TMEM236: variants seen among roughly 807,000 people sequenced by gnomAD.
The protein encoded by TMEM236 is family with sequence similarity 23, member A.
TMEM236 carries 11 observed loss-of-function variants against 14.7 expected under a neutral mutation model. The observed-to-expected ratio is 0.75, with a 90% CI of 0.47 to 1.24. The LOEUF (loss-of-function observed/expected upper bound fraction) is 1.24. TMEM236 is among the 50% of genes most tolerant of loss of function. The pLI, the probability that TMEM236 is intolerant of heterozygous loss-of-function variation, is 0.00. For synonymous variants in TMEM236, 182 were observed against 168.6 expected (o/e 1.08, Z -0.62); for missense variants, 464 against 427.3 (o/e 1.09, Z -0.76).
At chr10:17,753,944 G>A (rs1837245902) in intron 1 of TMEM236, among the ~76,000 whole-genome samples, 1 of 152,200 alleles carries the variant, frequency 6.6e-6, no homozygotes. Context: ...GATAGAATGT[G>A]ACATTAATGG....
intron 3 of TMEM236, among the ~76,000 whole-genome samples, chr10:17,785,906 T>G (rs1189526077): frequency 1.3e-5 from 2 of 152,166 alleles, no homozygotes; most frequent in African/African-American, 4.8e-5. Context: ...TTATATCTTC[T>G]AATGAAGTGC....
At chr10:17,773,521 A>G (rs150675227) in intron 2 of TMEM236, among the ~76,000 whole-genome samples, 5,296 of 152,126 alleles carry the variant, frequency 0.035, 186 homozygotes, top group East Asian at 0.21. Flanking sequence ...TATTTTTAGT[A>G]CAGACGGGGT....
At chr10:17,763,006 A>G (rs967896110) in intron 1 of TMEM236, among the ~76,000 whole-genome samples, 5 of 152,154 alleles carry the variant, frequency 3.3e-5, no homozygotes, top group Admixed American at 2.6e-4. Context: ...TACTGCAGGT[A>G]CAAGCCTTTG....
rs897665107 is a variant in TMEM236, at chr10:17,797,292, T to C, written c.*788T>C. ...AAATTATTGAATAATTTTTAGGTTA[T>C]ACTTTTTTTTTTTTTTTTGAGACGA... On this transcript the variant is annotated 3_prime_UTR_variant, in exon 4 of 4. Coordinates refer to ENST00000377495, the MANE Select transcript of TMEM236 (RefSeq NM_001098844.3). 6.8e-6 allele frequency: 1 copy of C among 146,224 alleles called. No homozygotes were observed. Among genetic ancestry groups the C allele is most frequent in the African/African-American group, 2.7e-5 (1 of 37,068 alleles). The allele number at this position is 146,224 out of a possible 1,614,324, so 9.1% of individuals were successfully genotyped here. A position where few individuals can be genotyped will look rare whatever the true frequency, so the allele number is the denominator to read the frequency against.
intron 1 of TMEM236, among the ~76,000 whole-genome samples, chr10:17,752,934 T>G (rs1837230774): frequency 6.6e-6 from 1 of 152,250 alleles, no homozygotes; most frequent in South Asian, 2.1e-4. Context: ...GTTTGTTTTT[T>G]TGTTTGTTGT....
chr10:17,766,163 ATCTC>A (rs1837459508), intron 1 of TMEM236, among the ~76,000 whole-genome samples: 1 of 152,144 alleles, frequency 6.6e-6, no homozygotes, highest in South Asian at 2.1e-4. Flanking sequence ...TTTTCAACTT[ATCTC>A]TCTTTCTTCA....
chr10:17,765,683 T>G (rs1396366233), intron 1 of TMEM236, among the ~76,000 whole-genome samples: 1 of 152,202 alleles, frequency 6.6e-6, no homozygotes, highest in Non-Finnish European at 1.5e-5. Context: ...CGTTAGCTTT[T>G]AAGGTTTAAA....
intron 1 of TMEM236, among the ~76,000 whole-genome samples, chr10:17,755,559 C>G (rs1455595950): frequency 3.3e-5 from 5 of 152,114 alleles, no homozygotes; most frequent in African/African-American, 1.2e-4. Context: ...CTGCTTTTAT[C>G]AGTAGGGTTT....
At position 17,796,400 on chromosome 10, in the gene TMEM236, G is replaced by T; in HGVS notation, c.952G>T (p.Val318Leu). The T allele has an allele frequency of 6.2e-7, 1 of 1,613,746 alleles. No homozygotes were observed. Among genetic ancestry groups the T allele is most frequent in the Non-Finnish European group, 8.5e-7 (1 of 1,179,790 alleles). Residue 318 changes from valine to leucine, a missense_variant, in exon 4 of 4, where the codon GTA becomes TTA. Coordinates refer to ENST00000377495, the MANE Select transcript of TMEM236 (RefSeq NM_001098844.3). Reference sequence around the variant, plus strand: ...CATTGCCCTGGGGACTATCACACCCGTACTGGGCCTGTGTAAAAATATCCT... The same window carrying T: ...CATTGCCCTGGGGACTATCACACCCTTACTGGGCCTGTGTAAAAATATCCT... ...LIIALGTITPVLGLCKNILVT... is the reference protein window; with the variant it reads ...LIIALGTITPLLGLCKNILVT...
chr10:17,785,769 C>T (rs1554835663), intron 3 of TMEM236, among the ~76,000 whole-genome samples: 1 of 152,034 alleles, frequency 6.6e-6, no homozygotes. Flanking sequence ...CCTTTCCTAC[C>T]CTCCCTTTGC....
At chr10:17,778,510 A>T (rs1474464413) in intron 3 of TMEM236, among the ~76,000 whole-genome samples, 8 of 152,248 alleles carry the variant, frequency 5.3e-5, no homozygotes, top group Non-Finnish European at 1.0e-4. Context: ...AAGCAAATAT[A>T]CCATAAATAT....
chr10:17,767,170 T>C (rs1554834397), intron 1 of TMEM236, among the ~76,000 whole-genome samples: 1 of 152,134 alleles, frequency 6.6e-6, no homozygotes, highest in East Asian at 1.9e-4. Context: ...CAACAAATTA[T>C]AAGCATATCC....
rs1029499092 is a variant in TMEM236 at position 17,752,310 on chromosome 10, G to A, written c.15G>A (p.Arg5=). ...TTTTCCTCAGGATGGCTTCTGGAAG[G>A]CTCATTAAGTTCGTGGTTTTTGAGC... MASG[R]LIKFVVFELL... Residue 5 remains arginine (R), a synonymous_variant, in exon 1 of 4, where the codon AGG becomes AGA. Coordinates refer to ENST00000377495, the MANE Select transcript of TMEM236 (RefSeq NM_001098844.3). 4 of 1,613,870 alleles carry A rather than the reference G, an allele frequency of 2.5e-6. No individual in the cohort carries two copies. Among genetic ancestry groups the A allele is most frequent in the African/African-American group, 2.7e-5 (2 of 75,010 alleles).
At chr10:17,779,141 CA>C (rs1466725020) in intron 3 of TMEM236, among the ~76,000 whole-genome samples, 55 of 152,284 alleles carry the variant, frequency 3.6e-4, no homozygotes, top group African/African-American at 1.2e-3. Context: ...TTAATGCTTC[CA>C]TTTGAATTTT....
chr10:17,765,763 C>A (rs1458608382), intron 1 of TMEM236, among the ~76,000 whole-genome samples: 2 of 152,228 alleles, frequency 1.3e-5, no homozygotes, highest in Non-Finnish European at 2.9e-5. Context: ...GTGGCCCCAA[C>A]CCCTCAGCCT....
intron 2 of TMEM236, among the ~76,000 whole-genome samples, chr10:17,773,409 C>T (rs1268972452): frequency 6.6e-6 from 1 of 152,162 alleles, no homozygotes; most frequent in Non-Finnish European, 1.5e-5. Context: ...GTGATCTTGG[C>T]TCACTGCAAG....
At chr10:17,794,399 GATAA>G (rs1405949459) in intron 3 of TMEM236, among the ~76,000 whole-genome samples, 1 of 152,100 alleles carries the variant, frequency 6.6e-6, no homozygotes, top group Admixed American at 6.5e-5. Context: ...TGTTTTAGTG[GATAA>G]ATGTTTGAAA....
chr10:17,779,866 C>G (rs900070242), intron 3 of TMEM236, among the ~76,000 whole-genome samples: 19 of 152,108 alleles, frequency 1.2e-4, no homozygotes, highest in African/African-American at 4.6e-4. Context: ...TCCTGCTCGG[C>G]TCTGCTCTAA....
chr10:17,794,023 T>A (rs1837968933), intron 3 of TMEM236, among the ~76,000 whole-genome samples: 1 of 152,200 alleles, frequency 6.6e-6, no homozygotes. Context: ...CTGGAAGTAA[T>A]GTGTCATCAA....
Sources: allele counts gnomAD v4.1 joint callset (sites outside exome capture counted in the v4.1 genomes callset), GRCh38; gene constraint gnomAD v4.1.1; transcripts MANE v1.5; gene names NCBI Gene and HGNC (gene_info 2026-07-23, HGNC 2026-07-21).